Variants in GPHN observed in about 807,000 individuals in gnomAD.
The protein encoded by GPHN is gephyrin.
GPHN carries 17 observed loss-of-function variants against 95.5 expected under a neutral mutation model. That is an observed-to-expected ratio of 0.18 (90% CI 0.12 to 0.27). The LOEUF (loss-of-function observed/expected upper bound fraction) is 0.27. Among genes scored for constraint, GPHN ranks in the 10% least tolerant of loss-of-function variants. The probability of loss-of-function intolerance (pLI) is 1.00; values close to 1 mark genes in which losing one functional copy is unlikely to be tolerated. For missense variants in GPHN, 660 were observed against 978.1 expected (o/e 0.67, Z 4.34); for synonymous variants, 320 against 322.5 (o/e 0.99, Z 0.08).
the GPHN span, among the ~76,000 whole-genome samples, chr14:67,320,691 G>A: frequency 6.6e-6 from 1 of 150,536 alleles, no homozygotes; most frequent in South Asian, 2.1e-4. Context: ...TGATACAGAA[G>A]ATAGAAACTT....
In GPHN at chr14:66,839,133, G is replaced by A. The variant is rs78529054; in HGVS notation, c.294+14567G>A. Among the ~76,000 whole-genome samples the A allele has an allele frequency of 3.1e-3, 468 of 152,302 alleles. 10 individuals are homozygous for A. The highest frequency in any genetic ancestry group is 0.011 in the African/African-American group (443 of 41,582). On this transcript the variant is annotated intron_variant, in intron 4 of 22. Transcript: ENST00000478722. ...ATGAGAATTAGCAGAAAGGATCCAA[G>A]TTCCTTCAAAAGATGCTGAGAAGAA...
chr14:67,136,330 A>T (rs1384376094), intron 17 of GPHN, among the ~76,000 whole-genome samples: 1 of 152,214 alleles, frequency 6.6e-6, no homozygotes, highest in Non-Finnish European at 1.5e-5. Context: ...GCAAAGCACA[A>T]AATGGCAAGC....
At chr14:66,655,583 T>C (rs1467315431) in intron 1 of GPHN, among the ~76,000 whole-genome samples, 1 of 152,136 alleles carries the variant, frequency 6.6e-6, no homozygotes, top group Admixed American at 6.5e-5. Context: ...TCTGTTTGCT[T>C]CTTATTTCCT....
At chr14:67,657,659 G>C in the GPHN span, among the ~76,000 whole-genome samples, 12 of 151,748 alleles carry the variant, frequency 7.9e-5, no homozygotes, top group African/African-American at 9.7e-5. Context: ...CAGAGGCCTA[G>C]TACAGAGCAA....
At chr14:67,399,698 C>A in the GPHN span, among the ~76,000 whole-genome samples, 1 of 129,718 alleles carries the variant, frequency 7.7e-6, no homozygotes, top group South Asian at 2.8e-4. Context: ...TCTCAGGTGG[C>A]AGGAATAAAG....
the GPHN span, among the ~76,000 whole-genome samples, chr14:67,362,005 C>CTT: frequency 7.1e-6 from 1 of 140,500 alleles, no homozygotes; most frequent in Non-Finnish European, 1.6e-5. Flanking sequence ...AGGTAAGAGT[C>CTT]TTTTTTTTTT....
chr14:67,575,352 T>C, the GPHN span: 16 of 1,214,474 alleles, frequency 1.3e-5, no homozygotes, highest in African/African-American at 2.2e-4. Flanking sequence ...CTTCTAGAGT[T>C]ACCTAGTTCT....
At chr14:66,996,049 C>A in intron 9 of GPHN, 1 of 588,654 alleles carries the variant, frequency 1.7e-6, no homozygotes, top group Non-Finnish European at 3.0e-6. Flanking sequence ...ACTCAAGTGT[C>A]TGCTTATAAA....
the GPHN span, among the ~76,000 whole-genome samples, chr14:67,310,169 G>A: frequency 4.0e-5 from 6 of 151,764 alleles, no homozygotes; most frequent in African/African-American, 1.5e-4. Context: ...TCTCTTAACT[G>A]TGTTTTGATT....
chr14:67,213,087 T>G, the GPHN span, among the ~76,000 whole-genome samples: 135 of 142,214 alleles, frequency 9.5e-4, no homozygotes, highest in African/African-American at 3.8e-3. Context: ...GGCATAGAAT[T>G]CTGTGGTGTT....
chr14:67,645,949 CTG>C, the GPHN span: 1 of 905,828 alleles, frequency 1.1e-6, no homozygotes, highest in Admixed American at 2.7e-5. Context: ...ACCAGGCAGT[CTG>C]CCAGATGCTA....
At chr14:67,094,622 A>C (rs912984113) in intron 12 of GPHN, among the ~76,000 whole-genome samples, 1 of 152,088 alleles carries the variant, frequency 6.6e-6, no homozygotes, top group Non-Finnish European at 1.5e-5. Context: ...TCTCCTACCT[A>C]AACTTGTAGA....
At chr14:66,842,640 G>A in intron 4 of GPHN, 1 of 1,509,980 alleles carries the variant, frequency 6.6e-7, no homozygotes, top group Non-Finnish European at 8.9e-7. Flanking sequence ...CAAACTGGGA[G>A]TCAGAAATCC....
At chr14:67,438,809 T>C in the GPHN span, among the ~76,000 whole-genome samples, 2 of 138,234 alleles carry the variant, frequency 1.4e-5, no homozygotes, top group African/African-American at 5.5e-5. Context: ...TACAGTGAGC[T>C]GAGATGGTGC....
intron 3 of GPHN, among the ~76,000 whole-genome samples, chr14:66,812,318 A>T (rs112811051): frequency 5.8e-4 from 89 of 152,318 alleles, no homozygotes; most frequent in African/African-American, 1.7e-3. Context: ...ACTAAAATTT[A>T]AAAAAATCAA....
intron 2 of GPHN, among the ~76,000 whole-genome samples, chr14:66,770,804 A>G (rs573391861): frequency 6.7e-4 from 102 of 152,222 alleles, no homozygotes; most frequent in African/African-American, 2.2e-3. Flanking sequence ...AACTTATAGT[A>G]TATTGTTATC....
At chr14:67,284,670 C>T in the GPHN span, among the ~76,000 whole-genome samples, 1 of 149,454 alleles carries the variant, frequency 6.7e-6, no homozygotes, top group Non-Finnish European at 1.5e-5. Flanking sequence ...CCACCTGGCC[C>T]TTGACAACCA....
At chr14:67,685,380 G>C in the GPHN span, among the ~76,000 whole-genome samples, 8 of 152,106 alleles carry the variant, frequency 5.3e-5, no homozygotes, top group Non-Finnish European at 8.8e-5. Context: ...ATCTAAGAAG[G>C]CTCTAGAGTA....
At chr14:67,138,738 A>G (rs2080257133) in intron 17 of GPHN, among the ~76,000 whole-genome samples, 1 of 152,110 alleles carries the variant, frequency 6.6e-6, no homozygotes, top group Admixed American at 6.5e-5. Context: ...CCCTTAAGCT[A>G]TGGTTAACCA....
Sources: gnomAD v4.1 joint callset for allele counts (sites outside exome capture counted in the v4.1 genomes callset) on GRCh38, gnomAD v4.1.1 for gene constraint, MANE v1.5 for transcripts, NCBI Gene and HGNC (gene_info 2026-07-23, HGNC 2026-07-21) for gene names.